The following RBM17 variants were observed in gnomAD, a reference collection of about 807,000 sequenced individuals.
RBM17 encodes the protein RNA binding motif protein 17, also known as splicing factor 45.
In RBM17, 7 loss-of-function variants were observed where a neutral mutation model predicts 53.2. That is an observed-to-expected ratio of 0.13 (90% CI 0.07 to 0.25). The LOEUF is 0.25. Ranked by LOEUF, RBM17 falls within the 10% of genes least tolerant of loss-of-function variation. The pLI, the probability that RBM17 is intolerant of heterozygous loss-of-function variation, is 1.00. For synonymous variants in RBM17, 167 were observed against 178.1 expected, an observed-to-expected ratio of 0.94 and a Z score of 0.50; for missense variants, 257 against 496.7, an observed-to-expected ratio of 0.52 and a Z score of 4.59.
intron 7 of RBM17, 116 bp downstream of exon 7, chr10:6,110,243 A>C: frequency 4.6e-6 from 4 of 871,456 alleles, no homozygotes; most frequent in Non-Finnish European, 5.0e-6. Context: ...TGGTGTGTGC[A>C]GGTCACACGG....
At chr10:6,093,426 C>T (rs1435487768) in intron 1 of RBM17, among the ~76,000 whole-genome samples, 1 of 152,120 alleles carries the variant, frequency 6.6e-6, no homozygotes, top group Non-Finnish European at 1.5e-5. Context: ...ACCACGTAGG[C>T]CAGGCTGGTC....
At position 6,097,267 on chromosome 10, in the gene RBM17, G is replaced by C. The variant is rs1049126441; in HGVS notation, c.123+79G>C. The C allele has an allele frequency of 1.1e-5, 16 of 1,461,438 alleles. No homozygotes were observed. The East Asian group carries it at 1.4e-4, about 13-fold the overall frequency. 90.5% of individuals were successfully genotyped at this position (1,461,438 alleles called of 1,614,324 possible). A position where few individuals can be genotyped will look rare whatever the true frequency, so the allele number is the denominator to read the frequency against. ...TAGGATGACAAGGAATTTGGTTTCA[G>C]CTTGCTCTTCTGCCTTTGTATTGGG... On this transcript the variant is annotated intron_variant, in intron 2 of 11. Coordinates refer to ENST00000379888, the MANE Select transcript of RBM17 (RefSeq NM_032905.5).
intron 1 of RBM17, among the ~76,000 whole-genome samples, chr10:6,091,793 A>G (rs934852159): frequency 3.3e-5 from 5 of 150,344 alleles, no homozygotes; most frequent in African/African-American, 9.7e-5. Flanking sequence ...TGTGTGAAAC[A>G]ATAGGCAGCA....
chr10:6,112,451 G>T lies in RBM17; in HGVS notation c.856+90G>T. ...CAGTCTTGATCCTCATGTGTCAGCAGGGGGACAATGAGGCGTGTGGCCAGA... is the reference window on the plus strand; with the variant it reads ...CAGTCTTGATCCTCATGTGTCAGCATGGGGACAATGAGGCGTGTGGCCAGA... On this transcript the variant is annotated intron_variant, in intron 8 of 11. Coordinates refer to ENST00000379888, the MANE Select transcript of RBM17 (RefSeq NM_032905.5). The surrounding 1 kb of genome is among the most constrained non-coding windows in gnomAD (Gnocchi z 4.4). 6.7e-7 allele frequency: 1 copy of T among 1,489,782 alleles called. No individual in the cohort carries two copies. Among genetic ancestry groups the T allele is most frequent in the East Asian group, 2.4e-5 (1 of 42,398 alleles). 92.3% of individuals were successfully genotyped at this position (1,489,782 alleles called of 1,614,324 possible).
chr10:6,096,097 G>A (rs1032407658), intron 1 of RBM17, among the ~76,000 whole-genome samples: 36 of 152,164 alleles, frequency 2.4e-4, no homozygotes, highest in African/African-American at 8.7e-4. Context: ...GTGGGTTTCT[G>A]TTTAAATTAA....
intron 4 of RBM17, among the ~76,000 whole-genome samples, chr10:6,105,365 T>G (rs1840733950): frequency 6.6e-6 from 1 of 152,224 alleles, no homozygotes; most frequent in African/African-American, 2.4e-5. Flanking sequence ...GAAAATTTTT[T>G]TCTATGCTGA....
intron 4 of RBM17, 52 bp downstream of exon 4, chr10:6,105,149 A>T: frequency 6.5e-7 from 1 of 1,533,842 alleles, no homozygotes; most frequent in Non-Finnish European, 9.0e-7. Context: ...TGTTCATTAA[A>T]ATGTTAACGA....
Position 6,112,261 on chromosome 10 carries a change from G to C in RBM17, c.756G>C (p.Gln252His). Residue 252 changes from glutamine to histidine, a missense_variant, in exon 8 of 12, where the codon CAG (glutamine) becomes CAC (histidine). Physicochemically the swap from Gln to His is conservative, Grantham distance 24 (BLOSUM62 0). Coordinates refer to ENST00000379888, the MANE Select transcript of RBM17 (RefSeq NM_032905.5). This position sits in a 1 kb window ranked among gnomAD's most constrained non-coding sequence, Gnocchi z 4.4. ...IMQKYGFREG[Q>H]GLGKHEQGLS... The stretch of plus-strand genomic sequence containing the variant: ...AGAAGTACGGCTTCCGGGAGGGCCA[G>C]GGTCTGGGGAAGCATGAGCAGGGCC... 6.2e-7 allele frequency: 1 copy of C among 1,613,892 alleles called. No homozygotes were observed. The highest frequency in any genetic ancestry group is 8.5e-7 in the Non-Finnish European group (1 of 1,180,026).
At chr10:6,107,246 G>A (rs1188140923) in intron 5 of RBM17, among the ~76,000 whole-genome samples, 3 of 151,992 alleles carry the variant, frequency 2.0e-5, no homozygotes, top group Non-Finnish European at 4.4e-5. Flanking sequence ...GTGCAATCTC[G>A]GCTCACCACA....
At chr10:6,102,464 G>A (rs1840682328) in intron 3 of RBM17, among the ~76,000 whole-genome samples, 1 of 152,170 alleles carries the variant, frequency 6.6e-6, no homozygotes. Context: ...TAGTTCTTCT[G>A]GAGGGGAAGC....
intron 3 of RBM17, among the ~76,000 whole-genome samples, chr10:6,103,073 T>G (rs1840693026): frequency 6.6e-6 from 1 of 152,218 alleles, no homozygotes; most frequent in Admixed American, 6.5e-5. Context: ...ATTACAGGCA[T>G]GAGCCACTGC....
chr10:6,102,473 GCA>G (rs1217708694), intron 3 of RBM17, among the ~76,000 whole-genome samples: 1 of 152,180 alleles, frequency 6.6e-6, no homozygotes, highest in Non-Finnish European at 1.5e-5. Flanking sequence ...TGGAGGGGAA[GCA>G]CCACATGGTG....
chr10:6,093,316 C>A (rs1329311338), intron 1 of RBM17, among the ~76,000 whole-genome samples: 2 of 152,122 alleles, frequency 1.3e-5, no homozygotes, highest in African/African-American at 2.4e-5. Context: ...CGGGTTCAAG[C>A]AATTCTCCTA....
At chr10:6,110,489 T>C (rs532458715) in intron 7 of RBM17, among the ~76,000 whole-genome samples, 53 of 152,304 alleles carry the variant, frequency 3.5e-4, no homozygotes, top group Non-Finnish European at 6.5e-4. Flanking sequence ...TTTTTCCTGA[T>C]AAAGTGGGCC....
At chr10:6,102,037 A>G (rs1325922939) in intron 3 of RBM17, among the ~76,000 whole-genome samples, 1 of 152,240 alleles carries the variant, frequency 6.6e-6, no homozygotes, top group Non-Finnish European at 1.5e-5. Flanking sequence ...ATAACTCAAA[A>G]TCATAGTTAA....
intron 3 of RBM17, 122 bp from the exon 4 acceptor site, chr10:6,104,809 A>G: frequency 1.3e-6 from 1 of 784,340 alleles, no homozygotes. Context: ...TGTCTTTAAA[A>G]CAGAGGAAGG....
Position 6,108,740 on chromosome 10 carries a change from A to C in RBM17, c.560A>C (p.Glu187Ala), listed in dbSNP as rs983923087. 2.1e-5 allele frequency: 34 copies of C among 1,610,052 alleles called. No homozygotes were observed. Among genetic ancestry groups the C allele is most frequent in the Non-Finnish European group, 2.7e-5 (32 of 1,176,988 alleles). ...PPTSLVEKDK[E>A]LPRDFPYEED... ...ACTTCTCTGGTAGAGAAAGACAAAG[A>C]GTGTAAGTAGATCTGTTTCTTCCTC... The change falls in exon 6 of 12, where the codon GAG becomes GCG. Residue 187 changes from glutamate (E) to alanine (A), a missense_variant and splice_region_variant. Glu to Ala is a moderately radical substitution (Grantham distance 107). Coordinates refer to ENST00000379888, the MANE Select transcript of RBM17 (RefSeq NM_032905.5).
intron 1 of RBM17, among the ~76,000 whole-genome samples, chr10:6,090,208 A>T (rs140011685): frequency 1.3e-5 from 2 of 152,230 alleles, no homozygotes; most frequent in East Asian, 3.9e-4. Context: ...AGGCATATGG[A>T]TGGGAAATAG....
chr10:6,106,370 A>G, intron 5 of RBM17, 132 bp downstream of exon 5: 2 of 634,448 alleles, frequency 3.2e-6, no homozygotes, highest in East Asian at 2.8e-5. Context: ...CTGGAATCCC[A>G]GCAATACACA....
Sources: gnomAD v4.1 joint callset for allele counts (sites outside exome capture counted in the v4.1 genomes callset) on GRCh38, gnomAD v4.1.1 for gene constraint, Gnocchi (gnomAD v3.1) non-coding constraint, MANE v1.5 for transcripts, NCBI Gene and HGNC (gene_info 2026-07-23, HGNC 2026-07-21) for gene names.